The following PDE4A variants were observed in gnomAD, a reference collection of about 807,000 sequenced individuals.
The protein encoded by PDE4A is phosphodiesterase 4A.
A neutral mutation model predicts 73.9 loss-of-function variants in PDE4A; 21 were observed. The observed-to-expected ratio is 0.28, with a 90% CI of 0.20 to 0.41. The LOEUF (loss-of-function observed/expected upper bound fraction) is 0.41, where lower values mean the gene tolerates loss of function less well. PDE4A is among the 10% of genes least tolerant of loss of function. PDE4A has a pLI of 1.00. For synonymous variants in PDE4A, 463 were observed against 505.4 expected (o/e 0.92, Z 1.13); for missense variants, 958 against 1,211.4 (o/e 0.79, Z 3.10).
chr19:10,459,503 T>C lies in PDE4A; in HGVS notation c.1200+5T>C. 2 of 1,612,762 alleles carry C rather than the reference T, an allele frequency of 1.2e-6. No individual in the cohort carries two copies. The highest frequency in any genetic ancestry group is 1.7e-6 in the Non-Finnish European group (2 of 1,178,908). Reference sequence around the variant, plus strand: ...ATCATGTACATGATATTCCAGGTGATGGGGACAGCTGGGAGTGGGCCCGGG... The same window carrying C: ...ATCATGTACATGATATTCCAGGTGACGGGGACAGCTGGGAGTGGGCCCGGG... On this transcript the variant is annotated splice_donor_5th_base_variant and intron_variant, in intron 9 of 14. Transcript: ENST00000380702.
intron 1 of PDE4A, chr19:10,430,808 T>G (rs1025817731): frequency 3.4e-6 from 3 of 884,216 alleles, no homozygotes; most frequent in Non-Finnish European, 4.1e-6. Context: ...GCGGCGCAGC[T>G]CCCCAGCGCC....
intron 1 of PDE4A, among the ~76,000 whole-genome samples, chr19:10,441,868 T>C (rs2042943785): frequency 6.6e-6 from 1 of 151,660 alleles, no homozygotes; most frequent in Admixed American, 6.6e-5. Flanking sequence ...TTTTGAATTT[T>C]TAGTAGAGAC....
chr19:10,448,609 C>G (rs1277192457), intron 2 of PDE4A, among the ~76,000 whole-genome samples: 2 of 151,384 alleles, frequency 1.3e-5, no homozygotes, highest in African/African-American at 4.9e-5. Flanking sequence ...ACACTCCAGC[C>G]TGGGTGACAG....
At chr19:10,454,081 T>C (rs936490230) in intron 6 of PDE4A, among the ~76,000 whole-genome samples, 2 of 152,070 alleles carry the variant, frequency 1.3e-5, no homozygotes, top group Non-Finnish European at 2.9e-5. Flanking sequence ...CAGAGTGGCA[T>C]GGGGGGACCA....
chr19:10,461,481 A>T, intron 11 of PDE4A, 45 bp from the exon 12 acceptor site: 3 of 1,604,502 alleles, frequency 1.9e-6, no homozygotes, highest in Non-Finnish European at 2.6e-6. Flanking sequence ...CTGCGGTTGG[A>T]GCTGCACACG....
In PDE4A at chr19:10,463,960, C is replaced by T. The variant is rs751177153; in HGVS notation, c.1911C>T (p.Ser637=). The T allele has an allele frequency of 1.7e-5, 27 of 1,613,988 alleles. No homozygotes were observed. Among genetic ancestry groups the T allele is most frequent in the Middle Eastern group, 1.6e-4 (1 of 6,084 alleles). ...CCATGTGTGACAAGCACACTGCCTC[C>T]GTGGAGAAGTCTCAGGTACAGGCTC... ...ISPMCDKHTA[S]VEKSQVGFID... Residue 637 remains serine (S), a synonymous_variant, in exon 14 of 15, where the codon TCC becomes TCT. Transcript: ENST00000380702.
intron 1 of PDE4A, chr19:10,445,998 C>T (rs566590611): frequency 1.3e-4 from 27 of 207,302 alleles, no homozygotes; most frequent in African/African-American, 5.4e-4. Flanking sequence ...CCACCATGCC[C>T]GGCTAATTTT....
At chr19:10,440,454 C>T (rs952149837) in intron 1 of PDE4A, among the ~76,000 whole-genome samples, 2 of 151,488 alleles carry the variant, frequency 1.3e-5, no homozygotes, top group South Asian at 2.1e-4. Flanking sequence ...GACAGGGTCT[C>T]ACTCTGTTGC....
At chr19:10,462,119 C>A (rs1203923033) in intron 13 of PDE4A, 120 bp downstream of exon 13, 6 of 767,994 alleles carry the variant, frequency 7.8e-6, no homozygotes, top group Non-Finnish European at 1.3e-5. Context: ...CTTCCTGTGT[C>A]CTTCTTTCTT....
Position 10,467,358 on chromosome 19 carries a change from G to A in PDE4A, c.2398G>A (p.Glu800Lys), listed in dbSNP as rs1170405519. 2 of 1,614,186 alleles carry A rather than the reference G, an allele frequency of 1.2e-6. No individual in the cohort carries two copies. Among genetic ancestry groups the A allele is most frequent in the South Asian group, 2.2e-5 (2 of 91,084 alleles). Residue 800 changes from glutamate to lysine, a missense_variant, in exon 15 of 15, where the codon GAG (glutamate) becomes AAG (lysine). Glu to Lys is a moderately conservative substitution (Grantham distance 56, BLOSUM62 1). Coordinates refer to ENST00000380702, the MANE Select transcript of PDE4A (RefSeq NM_001111307.2). ...PVAPDEFSSR[E>K]EFVVAVSHSS... is the part of the protein sequence containing the mutation. Reference sequence around the variant, plus strand: ...GGCTCCGGATGAGTTCTCGTCCCGGGAGGAATTCGTGGTTGCTGTAAGCCA... The same window carrying A: ...GGCTCCGGATGAGTTCTCGTCCCGGAAGGAATTCGTGGTTGCTGTAAGCCA...
At chr19:10,461,728 CG>C in intron 12 of PDE4A, 48 bp downstream of exon 12, 1 of 1,605,408 alleles carries the variant, frequency 6.2e-7, no homozygotes, top group Non-Finnish European at 8.5e-7. Flanking sequence ...GCCTAGGAGT[CG>C]AGGGCTTTGG....
At chr19:10,420,287 T>G, upstream of PDE4A, 1 of 544,738 alleles carries the variant, frequency 1.8e-6, no homozygotes, top group South Asian at 7.8e-5. This position sits in a 1 kb window ranked among gnomAD's most constrained non-coding sequence, Gnocchi z 6.0. Context: ...TTCGTGCCTG[T>G]GCGCGCCGCG....
intron 7 of PDE4A, 114 bp from the exon 8 acceptor site, chr19:10,457,765 G>T: frequency 6.6e-7 from 1 of 1,508,612 alleles, no homozygotes; most frequent in Admixed American, 2.2e-5. Context: ...CAGCTGAAAG[G>T]GTTCTGCCGT....
intron 11 of PDE4A, 163 bp from the exon 12 acceptor site, chr19:10,461,363 G>T (rs1391551608): frequency 1.5e-5 from 15 of 974,056 alleles, no homozygotes; most frequent in Middle Eastern, 5.2e-4. Flanking sequence ...GGGCGGGGCT[G>T]GCTGGGCTGG....
intron 3 of PDE4A, 48 bp downstream of exon 3, chr19:10,449,001 C>A (rs780233849): frequency 1.2e-6 from 2 of 1,611,654 alleles, no homozygotes; most frequent in African/African-American, 2.7e-5. Flanking sequence ...CTCCAATGCT[C>A]CGCCACACTT....
chr19:10,459,954 C>T (rs1446587912), intron 10 of PDE4A, among the ~76,000 whole-genome samples, 195 bp downstream of exon 10: 1 of 152,094 alleles, frequency 6.6e-6, no homozygotes, highest in Admixed American at 6.5e-5. Context: ...GATCTCAGCT[C>T]ACTGCAACCT....
intron 1 of PDE4A, among the ~76,000 whole-genome samples, chr19:10,444,413 G>A (rs974384001): frequency 2.0e-5 from 3 of 151,914 alleles, no homozygotes; most frequent in Non-Finnish European, 2.9e-5. Flanking sequence ...CAGGAAAATC[G>A]CTTGAACCCA....
chr19:10,426,378 C>T (rs376191494), intron 1 of PDE4A, among the ~76,000 whole-genome samples: 18 of 152,144 alleles, frequency 1.2e-4, no homozygotes, highest in African/African-American at 3.9e-4. Flanking sequence ...AACACAAATT[C>T]GTAAACTTTC....
At chr19:10,460,595 G>A (rs968702211) in intron 10 of PDE4A, among the ~76,000 whole-genome samples, 4 of 151,014 alleles carry the variant, frequency 2.6e-5, no homozygotes, top group Non-Finnish European at 5.9e-5. Flanking sequence ...ATCACCTGAG[G>A]TCAGAAATGG....
Sources: allele counts gnomAD v4.1 joint callset (sites outside exome capture counted in the v4.1 genomes callset), GRCh38; gene constraint gnomAD v4.1.1; non-coding constraint Gnocchi (gnomAD v3.1); transcripts MANE v1.5; gene names NCBI Gene and HGNC (gene_info 2026-07-23, HGNC 2026-07-21).